Variants in MTA3 observed in about 807,000 individuals in gnomAD.
The protein encoded by MTA3 is metastasis-associated protein MTA3.
MTA3 carries 34 observed loss-of-function variants against 83.5 expected under a neutral mutation model. That is an observed-to-expected ratio of 0.41 (90% CI 0.31 to 0.54). The LOEUF is 0.54. Among genes scored for constraint, MTA3 ranks in the 20% least tolerant of loss-of-function variants. The pLI, the probability that MTA3 is intolerant of heterozygous loss-of-function variation, is 0.33. For synonymous variants in MTA3, 303 were observed against 252.7 expected (o/e 1.20, Z -1.89); for missense variants, 761 against 726.4 (o/e 1.05, Z -0.55).
intron 2 of MTA3, among the ~76,000 whole-genome samples, chr2:42,524,319 T>A (rs79382768): frequency 3.3e-5 from 5 of 151,290 alleles, no homozygotes; most frequent in Admixed American, 2.6e-4. Context: ...TTTTTTTTTT[T>A]AAATGGAGTC....
At chr2:42,504,994 C>G (rs998671100) in intron 2 of MTA3, among the ~76,000 whole-genome samples, 1 of 152,108 alleles carries the variant, frequency 6.6e-6, no homozygotes, top group Non-Finnish European at 1.5e-5. Flanking sequence ...GTGGACCTTG[C>G]TCTGTACGAT....
chr2:42,610,388 C>T (rs1684043666), intron 4 of MTA3, among the ~76,000 whole-genome samples: 2 of 152,158 alleles, frequency 1.3e-5, no homozygotes, highest in African/African-American at 4.8e-5. Flanking sequence ...CTTAATAACA[C>T]CTGATGTATG....
At chr2:42,621,017 C>G (rs1222336276) in intron 4 of MTA3, among the ~76,000 whole-genome samples, 2 of 151,662 alleles carry the variant, frequency 1.3e-5, no homozygotes, top group East Asian at 1.9e-4. Flanking sequence ...ATCAAAACAT[C>G]ATGTTGTACA....
intron 8 of MTA3, among the ~76,000 whole-genome samples, chr2:42,678,193 C>T (rs1377776025): frequency 1.3e-5 from 2 of 151,362 alleles, no homozygotes; most frequent in African/African-American, 4.9e-5. Flanking sequence ...AAATTCACTT[C>T]AAAGTTGGAA....
intron 2 of MTA3, among the ~76,000 whole-genome samples, chr2:42,538,098 T>A (rs544479534): frequency 6.6e-6 from 1 of 152,068 alleles, no homozygotes; most frequent in African/African-American, 2.4e-5. Flanking sequence ...ACAGGTATGG[T>A]GGCGGGCACC....
intron 2 of MTA3, among the ~76,000 whole-genome samples, chr2:42,549,835 G>C (rs571550945): frequency 6.7e-6 from 1 of 149,818 alleles, no homozygotes; most frequent in Admixed American, 6.9e-5. Context: ...CCGTCCCACT[G>C]TAAGATGAAA....
chr2:42,755,796 C>T lies in MTA3; in HGVS notation c.*2397C>T, dbSNP rs1022791599. 9.1e-6 allele frequency: 9 copies of T among 985,356 alleles called. No homozygotes were observed. Among genetic ancestry groups the T allele is most frequent in the African/African-American group, 1.7e-5 (1 of 57,220 alleles). The allele number at this position is 985,356 out of a possible 1,614,324, so 61.0% of individuals were successfully genotyped here. A position where few individuals can be genotyped will look rare whatever the true frequency, so the allele number is the denominator to read the frequency against. Reference sequence around the variant, plus strand: ...GTGGTTCAGTGAGCACATGGGTGGACGTGCAGAGACTGTCTGCGCAGCCCC... The same window carrying T: ...GTGGTTCAGTGAGCACATGGGTGGATGTGCAGAGACTGTCTGCGCAGCCCC... On this transcript the variant is annotated 3_prime_UTR_variant, in exon 17 of 17. Transcript: ENST00000405094.
chr2:42,695,653 A>AG lies in MTA3; in HGVS notation c.892-112_892-111insG, dbSNP rs1370767147. 6.4e-5 allele frequency: 29 copies of AG among 455,152 alleles called. 2 individuals carry two copies. The highest frequency in any genetic ancestry group is 6.0e-4 in the African/African-American group (28 of 46,370). 28.2% of individuals were successfully genotyped at this position (455,152 alleles called of 1,614,324 possible). On this transcript the variant is annotated intron_variant, in intron 9 of 16. Coordinates refer to ENST00000405094, the MANE Select transcript of MTA3 (RefSeq NM_001330442.2). ...CTATCTCAAAAAAAAAAAAAAAAAA[A>AG]AAAAAAAAGAAAGTGGTGGTTTTTA...
chr2:42,544,083 A>G (rs1676646143), intron 2 of MTA3, among the ~76,000 whole-genome samples: 1 of 152,138 alleles, frequency 6.6e-6, no homozygotes, highest in Non-Finnish European at 1.5e-5. Context: ...TTCGCCTGCA[A>G]GGACAAACTC....
chr2:42,571,127 T>C (rs1678430382), intron 2 of MTA3, among the ~76,000 whole-genome samples: 1 of 151,916 alleles, frequency 6.6e-6, no homozygotes, highest in South Asian at 2.1e-4. Context: ...GCATGGCGGC[T>C]CACCCCTGTA....
chr2:42,586,478 AC>A (rs1333433025), intron 3 of MTA3, among the ~76,000 whole-genome samples: 1 of 3,010 alleles, frequency 3.3e-4, no homozygotes. Context: ...AGGAAGGAAA[AC>A]ACACACACAC....
chr2:42,627,725 A>ATTT (rs869227831), intron 4 of MTA3, among the ~76,000 whole-genome samples: 14 of 103,378 alleles, frequency 1.4e-4, no homozygotes, highest in African/African-American at 4.8e-4. Flanking sequence ...GCCTGGCTAA[A>ATTT]TTTTTTTTTT....
chr2:42,620,828 G>A (rs1266658916), intron 4 of MTA3, among the ~76,000 whole-genome samples: 1 of 152,178 alleles, frequency 6.6e-6, no homozygotes, highest in African/African-American at 2.4e-5. Flanking sequence ...TGTTTGAATC[G>A]TGAGCTGAAC....
At chr2:42,737,940 C>T (rs1668728516) in intron 16 of MTA3, among the ~76,000 whole-genome samples, 1 of 152,184 alleles carries the variant, frequency 6.6e-6, no homozygotes. Context: ...AAGCAAGTCA[C>T]ATGAGTTTTC....
chr2:42,694,036 T>C (rs993514849), intron 9 of MTA3, among the ~76,000 whole-genome samples: 3 of 152,202 alleles, frequency 2.0e-5, no homozygotes, highest in Non-Finnish European at 2.9e-5. Flanking sequence ...GTCCAGATGG[T>C]GTCTAGAAAT....
intron 4 of MTA3, among the ~76,000 whole-genome samples, chr2:42,626,767 G>A (rs1392610630): frequency 6.6e-6 from 1 of 151,926 alleles, no homozygotes; most frequent in African/African-American, 2.4e-5. Flanking sequence ...TTTAGACAGA[G>A]TCTTGCTTTG....
chr2:42,630,204 T>A (rs1686540305), intron 4 of MTA3, among the ~76,000 whole-genome samples: 1 of 152,228 alleles, frequency 6.6e-6, no homozygotes, highest in African/African-American at 2.4e-5. Context: ...GTCAGTATCT[T>A]GTGCTACATT....
At position 42,553,683 on chromosome 2, in the gene MTA3, C is replaced by T. The variant is rs572171765; in HGVS notation, c.-140-16754C>T. Among the ~76,000 whole-genome samples, 9 of 151,014 alleles carry T rather than the reference C, an allele frequency of 6.0e-5. No homozygotes were observed. The East Asian group carries it at 1.4e-3, about 23-fold the overall frequency. Reference sequence around the variant, plus strand: ...CCAGGAGGTAGAGGTTGCAGTGAGCCGAGATCACGCCATTGCCCTCCAGCC... The same window carrying T: ...CCAGGAGGTAGAGGTTGCAGTGAGCTGAGATCACGCCATTGCCCTCCAGCC... On this transcript the variant is annotated intron_variant, in intron 2 of 17. Coordinates refer to the MTA3 transcript ENST00000405592.
At chr2:42,616,116 A>AGTG (rs1684851806) in intron 4 of MTA3, among the ~76,000 whole-genome samples, 1 of 151,084 alleles carries the variant, frequency 6.6e-6, no homozygotes, top group Admixed American at 6.6e-5. Flanking sequence ...GCTAGAGTGC[A>AGTG]GTGGTGTGAT....
Sources: allele counts gnomAD v4.1 joint callset (sites outside exome capture counted in the v4.1 genomes callset), GRCh38; gene constraint gnomAD v4.1.1; transcripts MANE v1.5; gene names NCBI Gene and HGNC (gene_info 2026-07-23, HGNC 2026-07-21).